TECTA: variants seen among roughly 807,000 people sequenced by gnomAD.
TECTA encodes alpha-tectorin.
Under a neutral mutation model 216.8 loss-of-function variants are expected in TECTA, and 128 were observed. That is an observed-to-expected ratio of 0.59 (90% confidence interval 0.51 to 0.68). TECTA has a LOEUF of 0.68. TECTA is among the 30% of genes least tolerant of loss of function. The probability of loss-of-function intolerance (pLI) is 0.00; values close to 1 mark genes in which losing one functional copy is unlikely to be tolerated. For missense variants in TECTA, 2,551 were observed against 2,786.2 expected, an observed-to-expected ratio of 0.92 and a Z score of 1.90; for synonymous variants, 1,089 against 1,117.1, an observed-to-expected ratio of 0.97 and a Z score of 0.50.
At position 121,190,709 on chromosome 11, in the gene TECTA, C is replaced by T. The variant is rs1947332716; in HGVS notation, c.6371C>T (p.Ser2124Phe). The T allele has an allele frequency of 1.2e-6, 2 of 1,613,136 alleles. No individual in the cohort carries two copies. Among genetic ancestry groups the T allele is most frequent in the Non-Finnish European group, 8.5e-7 (1 of 1,179,302 alleles). Residue 2124 changes from serine (S) to phenylalanine (F), a missense_variant, in exon 24 of 24, where the codon TCT becomes TTT. This residue lies in a region of TECTA where 118 missense variants were observed against 116.4 expected (regional missense o/e 1.01). Coordinates refer to ENST00000392793, the MANE Select transcript of TECTA (RefSeq NM_005422.4). ...CTGTGTTCCTCTCTGTTTACAGCCT[C>T]TAATTCTTCAATGGAACTTCAAGTC... ...LQEDGKSCRA[S>F]NSSMELQVWT...
intron 7 of TECTA, among the ~76,000 whole-genome samples, chr11:121,124,362 T>A (rs946596651): frequency 2.0e-5 from 3 of 152,192 alleles, no homozygotes; most frequent in Admixed American, 6.5e-5. Flanking sequence ...CACCTCAGTG[T>A]CTGCCCCCCA....
rs773755238 is a variant in TECTA at position 121,137,403 on chromosome 11, C to T, written c.2942-18C>T. 6.8e-6 allele frequency: 11 copies of T among 1,613,730 alleles called. No individual in the cohort carries two copies. The highest frequency in any genetic ancestry group is 2.2e-5 in the South Asian group (2 of 91,018). ...TTTGTCCTTTTCTCAAACCCGTCTT[C>T]TCCTTGACCACCTGCAGCACTGGAG... On this transcript the variant is annotated intron_variant, in intron 10 of 23. Coordinates refer to ENST00000392793, the MANE Select transcript of TECTA (RefSeq NM_005422.4).
rs986278585 is a variant in TECTA at position 121,157,948 on chromosome 11, G to T, written c.4413G>T (p.Ala1471=). ...AATGCAAGTCAGACGAGGAGTGTGC[G>T]CTGCGCAACGGGGTGCGCGGCTGCT... ...PRQCKSDEEC[A]LRNGVRGCFS... Residue 1471 remains alanine (A), a synonymous_variant, in exon 14 of 24, where the codon GCG becomes GCT. Coordinates refer to ENST00000392793, the MANE Select transcript of TECTA (RefSeq NM_005422.4). 6.2e-7 allele frequency: 1 copy of T among 1,613,914 alleles called. No individual in the cohort carries two copies.
Position 121,158,153 on chromosome 11 carries a change from A to C in TECTA, c.4618A>C (p.Thr1540Pro). The C allele has an allele frequency of 6.2e-7, 1 of 1,614,014 alleles. No homozygotes were observed. Among genetic ancestry groups the C allele is most frequent in the South Asian group, 1.1e-5 (1 of 91,080 alleles). ...NFDKWSAPNL[T>P]IISPVYFYIN... Reference sequence around the variant, plus strand: ...CGACAAGTGGTCGGCCCCCAACCTCACCATCATTTCGCCCGTCTACTTCTA... The same window carrying C: ...CGACAAGTGGTCGGCCCCCAACCTCCCCATCATTTCGCCCGTCTACTTCTA... Residue 1540 changes from threonine to proline, a missense_variant, in exon 14 of 24, where the codon ACC becomes CCC. Coordinates refer to ENST00000392793, the MANE Select transcript of TECTA (RefSeq NM_005422.4).
At chr11:121,177,905 G>C (rs982545243) in intron 20 of TECTA, among the ~76,000 whole-genome samples, 7 of 152,222 alleles carry the variant, frequency 4.6e-5, no homozygotes, top group African/African-American at 1.7e-4. Context: ...CCCCAGCCTT[G>C]CTGCCGCCTT....
chr11:121,191,359 G>A lies in TECTA; in HGVS notation c.*553G>A, dbSNP rs1420646751. On this transcript the variant is annotated 3_prime_UTR_variant, in exon 24 of 24. Transcript: ENST00000392793. ...TGCCATGGCAGCTTTGGCCACTGGG[G>A]ATATTGTTGACCTGGGGAACCCCAC... The A allele has an allele frequency of 2.4e-5, 4 of 164,376 alleles. No homozygotes were observed. Among genetic ancestry groups the A allele is most frequent in the African/African-American group, 9.6e-5 (4 of 41,574 alleles). 10.2% of individuals were successfully genotyped at this position (164,376 alleles called of 1,614,324 possible).
At chr11:121,137,359 C>T (rs1946739618) in intron 10 of TECTA, 62 bp from the exon 11 acceptor site, 1 of 1,610,624 alleles carries the variant, frequency 6.2e-7, no homozygotes, top group Admixed American at 1.7e-5. Flanking sequence ...TGCATGCACG[C>T]ACACTTCTGT....
In TECTA at chr11:121,105,246, A is replaced by C. The variant is rs1946380353; in HGVS notation, c.65-585A>C. On this transcript the variant is annotated intron_variant, in intron 2 of 23. Transcript: ENST00000392793. The surrounding 1 kb of genome is among the most constrained non-coding windows in gnomAD (Gnocchi z 5.3). ...ATCTCATGTCTGTCTTTTGTAAAAA[A>C]GGAGTTGGGCAAAGAGCCTCTTGCA... Among the ~76,000 whole-genome samples the C allele has an allele frequency of 6.6e-6, 1 of 152,232 alleles. No individual in the cohort carries two copies. Among genetic ancestry groups the C allele is most frequent in the South Asian group, 2.1e-4 (1 of 4,830 alleles).
intron 10 of TECTA, among the ~76,000 whole-genome samples, chr11:121,130,764 C>T (rs909464183): frequency 6.6e-6 from 1 of 152,150 alleles, no homozygotes; most frequent in African/African-American, 2.4e-5. Flanking sequence ...AGACCTGATA[C>T]GTAACACCCT....
chr11:121,153,054 T>C lies in TECTA; in HGVS notation c.4279T>C (p.Cys1427Arg). 1 of 1,614,102 alleles carries C rather than the reference T, an allele frequency of 6.2e-7. No homozygotes were observed. The highest frequency in any genetic ancestry group is 8.5e-7 in the Non-Finnish European group (1 of 1,179,998). The change falls in exon 13 of 24, where the codon TGC becomes CGC. Residue 1427 changes from cysteine (C) to arginine (R), a missense_variant. By Grantham distance (180) the Cys-to-Arg change is radical. Transcript: ENST00000392793. ...CTGCATCCTGCCCCACAGCTGCGGC[T>C]GCTACTCCGATGGCAAATATTACGA... ...KSCILPHSCG[C>R]YSDGKYYEPK...
intron 20 of TECTA, among the ~76,000 whole-genome samples, chr11:121,183,064 C>T (rs1947246525): frequency 6.6e-6 from 1 of 152,132 alleles, no homozygotes; most frequent in African/African-American, 2.4e-5. Context: ...GGACAGCCTC[C>T]CTGGCGCACT....
intron 6 of TECTA, among the ~76,000 whole-genome samples, chr11:121,117,094 TAGTC>T (rs1946508755): frequency 6.6e-6 from 1 of 152,232 alleles, no homozygotes. Context: ...ATTCACTCGA[TAGTC>T]AGTTTTATAA....
intron 21 of TECTA, among the ~76,000 whole-genome samples, chr11:121,188,345 C>T (rs1947308269): frequency 6.6e-6 from 1 of 152,176 alleles, no homozygotes; most frequent in Non-Finnish European, 1.5e-5. Flanking sequence ...GTCACATCTT[C>T]CCCCAGTTTC....
rs915698631 is a variant in TECTA, at chr11:121,127,639, C to T, written c.1775-113C>T. ...CAATTCTGTCTTCCCCGAGTGGCCG[C>T]TTGACCCTCACTCTAGGAACTAAAT... On this transcript the variant is annotated intron_variant, in intron 8 of 23. Coordinates refer to ENST00000392793, the MANE Select transcript of TECTA (RefSeq NM_005422.4). This position sits in a 1 kb window ranked among gnomAD's most constrained non-coding sequence, Gnocchi z 5.0. 9.3e-6 allele frequency: 12 copies of T among 1,293,146 alleles called. No individual in the cohort carries two copies. Among genetic ancestry groups the T allele is most frequent in the Non-Finnish European group, 1.3e-5 (12 of 893,910 alleles). 80.1% of individuals were successfully genotyped at this position (1,293,146 alleles called of 1,614,324 possible). A position where few individuals can be genotyped will look rare whatever the true frequency, so the allele number is the denominator to read the frequency against.
At chr11:121,183,657 G>A (rs1296965544) in intron 20 of TECTA, among the ~76,000 whole-genome samples, 2 of 152,156 alleles carry the variant, frequency 1.3e-5, no homozygotes, top group Non-Finnish European at 2.9e-5. Context: ...AACTCAGGAG[G>A]CAGAGGTTGC....
In TECTA at chr11:121,168,841, A is replaced by G. The variant is rs745832165; in HGVS notation, c.5915A>G (p.His1972Arg). ...TTTGTGGTTGGAGCTGACGCCACAC[A>G]TTTAATCCTAACACTCAACAAATGC... ...GVFVVGADATHLILTLNKCYA... is the reference protein window; with the variant it reads ...GVFVVGADATRLILTLNKCYA... The change falls in exon 20 of 24, where the codon CAT becomes CGT. Residue 1972 changes from histidine (H) to arginine (R), a missense_variant. His to Arg is a conservative substitution (Grantham distance 29). Around this residue, in one of 3 missense-constraint regions of TECTA, gnomAD observed 2,375 missense variants for 2,563.9 expected, o/e 0.93. Coordinates refer to ENST00000392793, the MANE Select transcript of TECTA (RefSeq NM_005422.4). 1.9e-6 allele frequency: 3 copies of G among 1,614,184 alleles called. No homozygotes were observed. The highest frequency in any genetic ancestry group is 2.2e-5 in the East Asian group (1 of 44,888).
intron 10 of TECTA, 92 bp from the exon 11 acceptor site, chr11:121,137,325 AACAC>A: frequency 6.5e-7 from 1 of 1,530,928 alleles, no homozygotes. Flanking sequence ...TGCACTCACA[AACAC>A]ACATGCACTC....
intron 20 of TECTA, among the ~76,000 whole-genome samples, chr11:121,175,109 T>A (rs1170786099): frequency 1.3e-5 from 2 of 152,122 alleles, no homozygotes; most frequent in Non-Finnish European, 2.9e-5. Context: ...TTGCTAGCGG[T>A]CTATCAATTT....
chr11:121,158,222 A>T lies in TECTA; in HGVS notation c.4687A>T (p.Lys1563Ter). 1.2e-6 allele frequency: 2 copies of T among 1,612,210 alleles called. No individual in the cohort carries two copies. The highest frequency in any genetic ancestry group is 1.7e-6 in the Non-Finnish European group (2 of 1,180,028). ...QILINDRNTV[K>*]VNGTQVNVPF... is the part of the protein sequence containing the mutation. The stretch of plus-strand genomic sequence containing the variant: ...TCTCATCAACGACCGGAACACGGTC[A>T]AGGTAACCAGCCTGGCGGCCATTCT... Residue 1563 changes from lysine (K) to a stop codon, truncating the protein, a stop_gained and splice_region_variant, in exon 14 of 24, where the codon AAG (lysine) becomes TAG (stop). Transcript: ENST00000392793. LOFTEE classifies it high-confidence loss of function.
Sources: allele counts gnomAD v4.1 joint callset (sites outside exome capture counted in the v4.1 genomes callset), GRCh38; gene constraint gnomAD v4.1.1; regional missense constraint gnomAD v4.1.1; non-coding constraint Gnocchi (gnomAD v3.1); transcripts MANE v1.5; gene names NCBI Gene and HGNC (gene_info 2026-07-23, HGNC 2026-07-21).